Variants in CHMP3 observed in about 807,000 individuals in gnomAD.
CHMP3 encodes charged multivesicular body protein 3, also known as 25.1 protein.
Under a neutral mutation model 27.4 loss-of-function variants are expected in CHMP3, and 8 were observed. The observed-to-expected ratio is 0.29, with a 90% confidence interval of 0.17 to 0.53. The LOEUF is 0.53. CHMP3 is among the 20% of genes least tolerant of loss of function. The pLI, the probability that CHMP3 is intolerant of heterozygous loss-of-function variation, is 0.96. For missense variants in CHMP3, 208 were observed against 271.5 expected (o/e 0.77, Z 1.64); for synonymous variants, 86 against 85.5 (o/e 1.01, Z -0.03).
At chr2:86,543,387 G>A (rs1385650869) in intron 1 of CHMP3, among the ~76,000 whole-genome samples, 1 of 152,184 alleles carries the variant, frequency 6.6e-6, no homozygotes, top group Non-Finnish European at 1.5e-5. Flanking sequence ...GACATATAGA[G>A]CTGGAAAGGC....
At chr2:86,511,946 A>G (rs1314342154) in intron 3 of CHMP3, 1 of 152,166 alleles carries the variant, frequency 6.6e-6, no homozygotes, top group Non-Finnish European at 1.5e-5. Flanking sequence ...TAGAAGGTAC[A>G]AGAAGGGAAG....
rs1249622226 is a variant in CHMP3 at position 86,542,243 on chromosome 2, A to G, written c.106+9T>C. 1 of 1,613,114 alleles carries G rather than the reference A, an allele frequency of 6.2e-7. No homozygotes were observed. Among genetic ancestry groups the G allele is most frequent in the Non-Finnish European group, 8.5e-7 (1 of 1,179,412 alleles). On this transcript the variant is annotated intron_variant, in intron 2 of 5. Transcript: ENST00000263856. ...GGTGAAAAATAGAAGACATAAAATGATAACTTACCCCTTATTTGCCTGTCA... is the reference window on the plus strand; with the variant it reads ...GGTGAAAAATAGAAGACATAAAATGGTAACTTACCCCTTATTTGCCTGTCA...
rs770818481 is a variant in CHMP3 at position 86,510,390 on chromosome 2, T to C, written c.376A>G (p.Thr126Ala). ...SLVKIPEIQA[T>A]MRELSKEMMK... ...ATTTCTTTGGACAACTCCCTCATGG[T>C]GGCCTGAATCTCTGGAATCTTCACA... The change falls in exon 4 of 6, where the codon ACC becomes GCC. Residue 126 changes from threonine to alanine, a missense_variant. Physicochemically the swap from Thr to Ala is moderately conservative, Grantham distance 58. Coordinates refer to ENST00000263856, the MANE Select transcript of CHMP3 (RefSeq NM_016079.4). 5.3e-5 allele frequency: 86 copies of C among 1,613,926 alleles called. No individual in the cohort carries two copies. Among genetic ancestry groups the C allele is most frequent in the Non-Finnish European group, 7.3e-5 (86 of 1,179,968 alleles).
chr2:86,549,978 C>A (rs547608936), intron 1 of CHMP3, among the ~76,000 whole-genome samples: 233 of 152,222 alleles, frequency 1.5e-3, no homozygotes, highest in Non-Finnish European at 2.3e-3. Context: ...GACGGGGTGG[C>A]GGCCGGGCAG....
rs370748684 is a variant in CHMP3, at chr2:86,522,329, C to G, written c.286+6889G>C. Among the ~76,000 whole-genome samples the G allele has an allele frequency of 5.9e-5, 9 of 152,148 alleles. No homozygotes were observed. The East Asian group carries it at 7.7e-4, about 13-fold the overall frequency. On this transcript the variant is annotated intron_variant, in intron 3 of 5. Coordinates refer to ENST00000263856, the MANE Select transcript of CHMP3 (RefSeq NM_016079.4). ...CTCTTTTTCCACTCCCAAAATGTAG[C>G]CTTTTCCTTCCTGCCTTGTCCCAAG...
intron 2 of CHMP3, among the ~76,000 whole-genome samples, chr2:86,529,612 C>T (rs1675836223): frequency 6.6e-6 from 1 of 152,194 alleles, no homozygotes; most frequent in African/African-American, 2.4e-5. Context: ...AATTTCTAAA[C>T]ACCTTTCTAA....
Position 86,505,854 on chromosome 2 carries a change from C to G in CHMP3, c.619G>C (p.Glu207Gln), listed in dbSNP as rs1177172351. 1 of 1,587,136 alleles carries G rather than the reference C, an allele frequency of 6.3e-7. No homozygotes were observed. The highest frequency in any genetic ancestry group is 8.6e-7 in the Non-Finnish European group (1 of 1,165,548). The change falls in exon 6 of 6, where the codon GAA (glutamate) becomes CAA (glutamine). Residue 207 changes from glutamate (E) to glutamine (Q), a missense_variant. By Grantham distance (29) the Glu-to-Gln change is conservative. Around this residue, in one of 3 missense-constraint regions of CHMP3, gnomAD observed 62 missense variants for 68.4 expected, o/e 0.91. Transcript: ENST00000263856. ...MAASEDEEEE[E>Q]EALEAMQSRL... ...GACTGCATGGCCTCCAGAGCCTCTT[C>G]CTCCTCCTCCTCATCCTCTGAGGCA...
At chr2:86,507,441 TAA>T (rs1674927917) in intron 5 of CHMP3, 36 bp downstream of exon 5, 1 of 1,583,704 alleles carries the variant, frequency 6.3e-7, no homozygotes, top group East Asian at 2.2e-5. Context: ...AGAATGGCCA[TAA>T]AAAGAGAGGA....
chr2:86,525,386 C>T (rs997941747), intron 3 of CHMP3, among the ~76,000 whole-genome samples: 4 of 152,140 alleles, frequency 2.6e-5, no homozygotes, highest in African/African-American at 7.2e-5. Context: ...AGGTAAAATA[C>T]TTGATAACTA....
Position 86,504,054 on chromosome 2 carries a change from C to T in CHMP3, c.*1750G>A, listed in dbSNP as rs1342117599. 6.6e-6 allele frequency: 1 copy of T among 152,088 alleles called. No homozygotes were observed. The highest frequency in any genetic ancestry group is 1.5e-5 in the Non-Finnish European group (1 of 68,020). The allele number at this position is 152,088 out of a possible 1,614,324, so 9.4% of individuals were successfully genotyped here. On this transcript the variant is annotated 3_prime_UTR_variant, in exon 6 of 6. Transcript: ENST00000263856. ...TGTCACGAGTTTACCTGCACATGTA[C>T]CCCCTGAACCTAATTTTTTTTTTAA...
intron 1 of CHMP3, among the ~76,000 whole-genome samples, chr2:86,558,468 A>C (rs1677214063): frequency 6.6e-6 from 1 of 152,088 alleles, no homozygotes; most frequent in South Asian, 2.1e-4. Context: ...TTATTCTGAT[A>C]CTCACTCATC....
At chr2:86,527,673 A>G (rs1675768621) in intron 3 of CHMP3, among the ~76,000 whole-genome samples, 2 of 152,134 alleles carry the variant, frequency 1.3e-5, no homozygotes, top group South Asian at 4.1e-4. Flanking sequence ...TTTAAAAGTG[A>G]AGATAGGCCG....
intron 2 of CHMP3, among the ~76,000 whole-genome samples, chr2:86,539,110 C>T (rs971611553): frequency 2.0e-5 from 3 of 152,090 alleles, no homozygotes; most frequent in Admixed American, 6.5e-5. Flanking sequence ...TTTTTAGATC[C>T]ATTCACCTTG....
At chr2:86,526,661 GCTCTCT>G (rs140412089) in intron 3 of CHMP3, among the ~76,000 whole-genome samples, 17 of 150,986 alleles carry the variant, frequency 1.1e-4, no homozygotes, top group South Asian at 8.3e-4. Context: ...ACTAGAGCAT[GCTCTCT>G]CTCTCTCTCT....
intron 2 of CHMP3, among the ~76,000 whole-genome samples, chr2:86,535,255 CAAAAAA>C (rs574431905): frequency 8.1e-5 from 5 of 61,652 alleles, no homozygotes; most frequent in African/African-American, 2.3e-4. Context: ...ACCCTATCTC[CAAAAAA>C]AAAAAAAAAA....
rs529895755 is a variant in CHMP3, at chr2:86,563,416, C to T, written c.-68G>A. On this transcript the variant is annotated 5_prime_UTR_variant, in exon 1 of 6. Transcript: ENST00000263856. ...CGCGCCCAGGCAGGTCACGGGCAGC[C>T]GCCTGGGCGGGGCCCGCGGAAAAGG... 410 of 1,574,012 alleles carry T rather than the reference C, an allele frequency of 2.6e-4. 1 individual carries two copies. The highest frequency in any genetic ancestry group is 7.2e-4 in the Middle Eastern group (4 of 5,584).
intron 1 of CHMP3, among the ~76,000 whole-genome samples, chr2:86,543,608 C>T (rs1190247542): frequency 6.6e-6 from 1 of 152,244 alleles, no homozygotes; most frequent in African/African-American, 2.4e-5. Flanking sequence ...AAAACAATTA[C>T]ATAATCCTCC....
At chr2:86,558,105 G>A (rs1247077020) in intron 1 of CHMP3, among the ~76,000 whole-genome samples, 1 of 152,148 alleles carries the variant, frequency 6.6e-6, no homozygotes, top group African/African-American at 2.4e-5. Context: ...TCTACCCCAA[G>A]ACTAAATTAG....
rs1677480863 is a variant in CHMP3, at chr2:86,563,432, G to A, written c.-84C>T. The A allele has an allele frequency of 6.4e-7, 1 of 1,552,726 alleles. No homozygotes were observed. Among genetic ancestry groups the A allele is most frequent in the Non-Finnish European group, 8.9e-7 (1 of 1,129,512 alleles). On this transcript the variant is annotated 5_prime_UTR_variant, in exon 1 of 6. Transcript: ENST00000263856. ...ACGGGCAGCCGCCTGGGCGGGGCCCGCGGAAAAGGAGGTAGTCCCAACCCC... is the reference window on the plus strand; with the variant it reads ...ACGGGCAGCCGCCTGGGCGGGGCCCACGGAAAAGGAGGTAGTCCCAACCCC...
Sources: allele counts gnomAD v4.1 joint callset (sites outside exome capture counted in the v4.1 genomes callset), GRCh38; gene constraint gnomAD v4.1.1; regional missense constraint gnomAD v4.1.1; transcripts MANE v1.5; gene names NCBI Gene and HGNC (gene_info 2026-07-23, HGNC 2026-07-21).